SIRT4: variants seen among roughly 807,000 people sequenced by gnomAD.
SIRT4 encodes the protein sirtuin 4.
A neutral mutation model predicts 26.1 loss-of-function variants in SIRT4; 23 were observed. The ratio of observed to expected loss-of-function variants is 0.88; its 90% CI spans 0.63 to 1.25. SIRT4 has a LOEUF of 1.25. Among genes scored for constraint, SIRT4 ranks in the 50% most tolerant of loss-of-function variants. SIRT4 has a pLI of 0.00. For synonymous variants in SIRT4, 155 were observed against 158.4 expected, an observed-to-expected ratio of 0.98 and a Z score of 0.16; for missense variants, 361 against 405.4, an observed-to-expected ratio of 0.89 and a Z score of 0.94.
the SIRT4 span, chr12:120,293,198 A>C: frequency 2.6e-5 from 4 of 152,308 alleles, no homozygotes; most frequent in East Asian, 1.9e-4. Flanking sequence ...CGCGCCTCGG[A>C]TAGACCTCAT....
chr12:120,293,015 C>CA, the SIRT4 span: 2 of 150,644 alleles, frequency 1.3e-5, no homozygotes, highest in African/African-American at 5.0e-5. Context: ...AGTTTGCGAA[C>CA]AAGTACTCTT....
intron 2 of SIRT4, among the ~76,000 whole-genome samples, chr12:120,309,420 T>C (rs1204638109): frequency 2.0e-5 from 3 of 149,960 alleles, no homozygotes; most frequent in Admixed American, 6.6e-5. Flanking sequence ...TTTCTTTTTT[T>C]TTTTTTTTTG....
Position 120,303,692 on chromosome 12 carries a change from T to G in SIRT4, c.131T>G (p.Val44Gly). Reference protein sequence around the residue: ...PASPPLDPEKVKELQRFITLS... With the variant: ...PASPPLDPEKGKELQRFITLS... ...AGTCCTCCTCTGGACCCTGAGAAGG[T>G]CAAAGAGTTACAGCGCTTCATCACC... Residue 44 changes from valine to glycine, a missense_variant, in exon 2 of 4, where the codon GTC (valine) becomes GGC (glycine). Coordinates refer to ENST00000202967, the MANE Select transcript of SIRT4 (RefSeq NM_012240.3). 1.9e-6 allele frequency: 3 copies of G among 1,613,992 alleles called. No homozygotes were observed. Among genetic ancestry groups the G allele is most frequent in the Non-Finnish European group, 2.5e-6 (3 of 1,179,998 alleles).
chr12:120,296,267 G>A, the SIRT4 span, among the ~76,000 whole-genome samples: 1 of 151,398 alleles, frequency 6.6e-6, no homozygotes, highest in Non-Finnish European at 1.5e-5. Context: ...GCCCAGGCTG[G>A]AGTGCAGTGG....
At chr12:120,298,688 C>T (rs145766420), upstream of SIRT4, among the ~76,000 whole-genome samples, 530 of 151,584 alleles carry the variant, frequency 3.5e-3, 4 homozygotes, top group African/African-American at 0.012. Context: ...GCGGGCGGAT[C>T]GCGAGGTCAG....
chr12:120,310,571 C>G (rs867374796), intron 2 of SIRT4, among the ~76,000 whole-genome samples: 11 of 151,542 alleles, frequency 7.3e-5, no homozygotes, highest in Admixed American at 2.0e-4. Flanking sequence ...CTGACTAGAA[C>G]TAAAAGGAGA....
At chr12:120,301,703 A>G (rs1872555376), upstream of SIRT4, among the ~76,000 whole-genome samples, 1 of 152,222 alleles carries the variant, frequency 6.6e-6, no homozygotes, top group Non-Finnish European at 1.5e-5. Context: ...CTCATTTCAC[A>G]TTGCATGTTT....
intron 2 of SIRT4, among the ~76,000 whole-genome samples, chr12:120,308,828 A>G (rs921964699): frequency 2.6e-5 from 4 of 152,174 alleles, no homozygotes; most frequent in South Asian, 2.1e-4. Context: ...ACCTAGACTA[A>G]GGTGGTATCC....
chr12:120,301,049 T>C (rs1872521480), upstream of SIRT4, among the ~76,000 whole-genome samples: 2 of 152,198 alleles, frequency 1.3e-5, no homozygotes, highest in South Asian at 4.1e-4. Flanking sequence ...ATATTAACTG[T>C]AAAAACATCA....
chr12:120,306,666 A>G (rs1389917251), intron 2 of SIRT4, among the ~76,000 whole-genome samples: 1 of 151,700 alleles, frequency 6.6e-6, no homozygotes. Context: ...ACCTGGGCAT[A>G]GTGGCGCACG....
chr12:120,294,970 A>G, the SIRT4 span, among the ~76,000 whole-genome samples: 1 of 150,468 alleles, frequency 6.6e-6, no homozygotes, highest in Admixed American at 6.7e-5. Context: ...AACTGGGATT[A>G]CAGGTGCGTG....
At chr12:120,305,573 T>C (rs1381093776) in intron 2 of SIRT4, among the ~76,000 whole-genome samples, 1 of 152,020 alleles carries the variant, frequency 6.6e-6, no homozygotes, top group Non-Finnish European at 1.5e-5. Context: ...GAAGCTAGGG[T>C]ATTTATTCAC....
At chr12:120,298,077 T>C (rs1179369), upstream of SIRT4, among the ~76,000 whole-genome samples, 13,372 of 150,042 alleles carry the variant, frequency 0.089, 903 homozygotes, top group African/African-American at 0.18. Flanking sequence ...ACACCTGTAA[T>C]CCCAGATACT....
Position 120,313,010 on chromosome 12 carries a change from T to C in SIRT4, c.919T>C (p.Leu307=), listed in dbSNP as rs1433581287. ...CLKLNSRCGE[L]LPLIDPC ...GAAACTGAATTCTCGTTGTGGAGAGTTGCTGCCTTTGATAGACCCATGCTG... is the reference window on the plus strand; with the variant it reads ...GAAACTGAATTCTCGTTGTGGAGAGCTGCTGCCTTTGATAGACCCATGCTG... Residue 307 remains leucine, a synonymous_variant, in exon 4 of 4, where the codon TTG becomes CTG. Transcript: ENST00000202967. 3 of 1,613,856 alleles carry C rather than the reference T, an allele frequency of 1.9e-6. No homozygotes were observed. The highest frequency in any genetic ancestry group is 1.7e-5 in the Admixed American group (1 of 59,940).
chr12:120,295,421 T>A, the SIRT4 span, among the ~76,000 whole-genome samples: 2,268 of 136,054 alleles, frequency 0.017, 125 homozygotes, highest in African/African-American at 0.054. Flanking sequence ...TATAGATAAT[T>A]TTTTTTTTTT....
At position 120,313,053 on chromosome 12, in the gene SIRT4, C is replaced by T. The variant is rs1217778851; in HGVS notation, c.*17C>T. On this transcript the variant is annotated 3_prime_UTR_variant, in exon 4 of 4. Transcript: ENST00000202967. Reference sequence around the variant, plus strand: ...CCATGCTGACCACAGCCTGATATTCCAGAACCTGGAACAGGGACTTTCACT... The same window carrying T: ...CCATGCTGACCACAGCCTGATATTCTAGAACCTGGAACAGGGACTTTCACT... 6.2e-7 allele frequency: 1 copy of T among 1,613,784 alleles called. No individual in the cohort carries two copies. Among genetic ancestry groups the T allele is most frequent in the Non-Finnish European group, 8.5e-7 (1 of 1,179,900 alleles).
chr12:120,295,260 T>A, the SIRT4 span, among the ~76,000 whole-genome samples: 3 of 146,194 alleles, frequency 2.1e-5, no homozygotes, highest in South Asian at 4.4e-4. Context: ...TGTTGCGCAG[T>A]CTGGACTGCA....
chr12:120,305,025 G>A (rs1344583580), intron 2 of SIRT4, among the ~76,000 whole-genome samples: 2 of 150,800 alleles, frequency 1.3e-5, no homozygotes, highest in African/African-American at 4.9e-5. Context: ...GTGGTGGCAC[G>A]CACCTGTAAT....
intron 2 of SIRT4, among the ~76,000 whole-genome samples, chr12:120,304,832 T>C (rs11614455): frequency 0.013 from 49 of 3,632 alleles, no homozygotes; most frequent in Middle Eastern, 0.25. Flanking sequence ...TATATATATA[T>C]ATATTTTTTT....
Sources: allele counts gnomAD v4.1 joint callset (sites outside exome capture counted in the v4.1 genomes callset), GRCh38; gene constraint gnomAD v4.1.1; transcripts MANE v1.5; gene names NCBI Gene and HGNC (gene_info 2026-07-23, HGNC 2026-07-21).